CFAP251: variants seen among roughly 807,000 people sequenced by gnomAD.
CFAP251 encodes the protein cilia and flagella associated protein 251.
In CFAP251, 93 loss-of-function variants were observed where a neutral mutation model predicts 126.7. That is an observed-to-expected ratio of 0.73 (90% confidence interval 0.62 to 0.87). The LOEUF is 0.87. Among genes scored for constraint, CFAP251 ranks in the 40% least tolerant of loss-of-function variants. The pLI is 0.00. For missense variants in CFAP251, 1,287 were observed against 1,389.2 expected (o/e 0.93, Z 1.17); for synonymous variants, 503 against 506.9 (o/e 0.99, Z 0.10).
chr12:121,944,075 A>G (rs180719621), intron 7 of CFAP251, among the ~76,000 whole-genome samples: 3 of 152,288 alleles, frequency 2.0e-5, no homozygotes, highest in Admixed American at 1.3e-4. Context: ...GAAAGTTTCT[A>G]TCAGGTCTCC....
At chr12:121,964,817 T>C (rs11043275) in intron 15 of CFAP251, among the ~76,000 whole-genome samples, 58,803 of 152,042 alleles carry the variant, frequency 0.39, 13,187 homozygotes, top group Non-Finnish European at 0.52. Context: ...GGAAATCTCA[T>C]GAACCCGGGA....
At chr12:121,968,663 C>T (rs1592994038) in intron 17 of CFAP251, among the ~76,000 whole-genome samples, 1 of 152,214 alleles carries the variant, frequency 6.6e-6, no homozygotes, top group East Asian at 1.9e-4. Flanking sequence ...AATATGGGCC[C>T]ACCCTCTACT....
intron 4 of CFAP251, chr12:121,933,299 A>T (rs1411965046): frequency 6.6e-6 from 1 of 152,404 alleles, no homozygotes; most frequent in Non-Finnish European, 1.5e-5. Context: ...TGAGCCAGCC[A>T]AAGACAGTCT....
chr12:121,977,740 G>A (rs977233019), intron 19 of CFAP251, among the ~76,000 whole-genome samples: 6 of 151,422 alleles, frequency 4.0e-5, no homozygotes, highest in Non-Finnish European at 8.8e-5. Context: ...CGGATCACGA[G>A]GTCAGAAGAT....
chr12:121,962,211 GC>G (rs1042447644), intron 15 of CFAP251, 49 bp downstream of exon 15: 1 of 1,569,812 alleles, frequency 6.4e-7, no homozygotes. Flanking sequence ...CAAGTTCTCT[GC>G]CCCCAACCTG....
intron 19 of CFAP251, among the ~76,000 whole-genome samples, chr12:121,983,573 A>G (rs1882677851): frequency 6.6e-6 from 1 of 152,160 alleles, no homozygotes; most frequent in Non-Finnish European, 1.5e-5. Flanking sequence ...AAACATTGAC[A>G]ATTACTTAAA....
Position 121,989,895 on chromosome 12 carries a change from A to G in CFAP251, c.3007-9821A>G, listed in dbSNP as rs1375767937. On this transcript the variant is annotated intron_variant, in intron 19 of 21. Transcript: ENST00000288912. This position sits in a 1 kb window ranked among gnomAD's most constrained non-coding sequence, Gnocchi z 4.2. ...TTAATTATAGAACATAATTCTAAGG[A>G]CATCAATGGCTTCCTGAGGCTGACA... 2.6e-5 allele frequency among the ~76,000 whole-genome samples: 4 copies of G among 152,290 alleles called. No individual in the cohort carries two copies. The East Asian group carries it at 7.7e-4, about 29-fold the overall frequency.
At chr12:121,971,488 T>C (rs1882326418) in intron 17 of CFAP251, 2 of 700,746 alleles carry the variant, frequency 2.9e-6, no homozygotes, top group Non-Finnish European at 2.6e-6. Flanking sequence ...CAACCACTTG[T>C]GCTGAGTTTT....
chr12:121,999,820 C>T lies in CFAP251; in HGVS notation c.3111C>T (p.His1037=). 1 of 1,614,174 alleles carries T rather than the reference C, an allele frequency of 6.2e-7. No individual in the cohort carries two copies. Among genetic ancestry groups the T allele is most frequent in the Non-Finnish European group, 8.5e-7 (1 of 1,180,014 alleles). ...ATTTCCTAAAAGTGTACCTTAACCA[C>T]AAGCCACCTTTTGGTAACACCATGA... ...LPDFLKVYLN[H]KPPFGNTMSG... The change falls in exon 20 of 22, where the codon CAC becomes CAT. Residue 1037 remains histidine (H), a synonymous_variant. Coordinates refer to ENST00000288912, the MANE Select transcript of CFAP251 (RefSeq NM_144668.6).
Position 121,999,719 on chromosome 12 carries a change from G to T in CFAP251, c.3010G>T (p.Asp1004Tyr). Reference protein sequence around the residue: ...IGFYPSEEKIDDIFNEIKFGE... With the variant: ...IGFYPSEEKIYDIFNEIKFGE... ...TTTTTCCCCATCTTTCCCCTAGATT[G>T]ATGATATATTTAACGAAATCAAATT... Residue 1004 changes from aspartate to tyrosine, a missense_variant, in exon 20 of 22, where the codon GAT becomes TAT. Physicochemically the swap from Asp to Tyr is radical, Grantham distance 160. Coordinates refer to ENST00000288912, the MANE Select transcript of CFAP251 (RefSeq NM_144668.6). The T allele has an allele frequency of 6.2e-7, 1 of 1,600,506 alleles. No individual in the cohort carries two copies.
intron 9 of CFAP251, chr12:121,953,836 G>A (rs955346120): frequency 3.0e-5 from 9 of 297,628 alleles, no homozygotes; most frequent in Middle Eastern, 1.0e-3. Context: ...CTCCATAAGA[G>A]AAGTTTAACA....
In CFAP251 at chr12:121,966,995, C is replaced by T; in HGVS notation, c.2533C>T (p.Gln845Ter). Residue 845 changes from glutamine to a stop codon, truncating the protein, a stop_gained, in exon 16 of 22, where the codon CAG (glutamine) becomes TAG (stop). Coordinates refer to ENST00000288912, the MANE Select transcript of CFAP251 (RefSeq NM_144668.6). LOFTEE classifies it high-confidence loss of function. ...GCCAGCTTATGGTTCCCCTATTGAGCAGACACAAGTCCTCCCAGTGAGAAG... is the reference window on the plus strand; with the variant it reads ...GCCAGCTTATGGTTCCCCTATTGAGTAGACACAAGTCCTCCCAGTGAGAAG... ...LGPAYGSPIEQTQVLPVRSMA... is the reference protein window; with the variant it reads ...LGPAYGSPIE The T allele has an allele frequency of 6.2e-7, 1 of 1,614,230 alleles. No individual in the cohort carries two copies. Among genetic ancestry groups the T allele is most frequent in the South Asian group, 1.1e-5 (1 of 91,084 alleles).
intron 19 of CFAP251, among the ~76,000 whole-genome samples, chr12:121,986,061 G>A (rs113894533): frequency 0.053 from 8,024 of 152,118 alleles, 250 homozygotes; most frequent in Middle Eastern, 0.071. Flanking sequence ...GCGTGATCTC[G>A]GCTCACTGCA....
intron 19 of CFAP251, chr12:121,998,153 G>T: frequency 6.6e-6 from 1 of 152,078 alleles, no homozygotes; most frequent in Non-Finnish European, 1.5e-5. Context: ...GTGGGCTCAA[G>T]CAGTCCTCCC....
intron 3 of CFAP251, among the ~76,000 whole-genome samples, chr12:121,924,714 G>A (rs376680117): frequency 1.2e-3 from 188 of 152,182 alleles, no homozygotes; most frequent in African/African-American, 4.3e-3. Context: ...ACAGGCGTGA[G>A]CCACCACGCC....
intron 19 of CFAP251, among the ~76,000 whole-genome samples, chr12:121,983,760 C>T (rs1882683343): frequency 6.6e-6 from 1 of 151,996 alleles, no homozygotes; most frequent in African/African-American, 2.4e-5. Flanking sequence ...AAAACGTTTC[C>T]TCTTTGGAGA....
At chr12:121,980,573 C>T (rs1882596390) in intron 19 of CFAP251, among the ~76,000 whole-genome samples, 2 of 152,036 alleles carry the variant, frequency 1.3e-5, no homozygotes, top group Admixed American at 1.3e-4. Flanking sequence ...GTCTCAAACT[C>T]CTGAGCTCGA....
chr12:121,992,884 C>T (rs1198521978), intron 19 of CFAP251, among the ~76,000 whole-genome samples: 1 of 152,136 alleles, frequency 6.6e-6, no homozygotes, highest in African/African-American at 2.4e-5. Flanking sequence ...TATAATTTAT[C>T]TTATGTTATG....
chr12:121,983,396 CA>C (rs10713983), intron 19 of CFAP251, among the ~76,000 whole-genome samples: 8,131 of 69,872 alleles, frequency 0.12, 211 homozygotes, highest in East Asian at 0.19. Flanking sequence ...CATAGCTCTC[CA>C]AAAAAAAAAA....
Sources: allele counts gnomAD v4.1 joint callset (sites outside exome capture counted in the v4.1 genomes callset), GRCh38; gene constraint gnomAD v4.1.1; non-coding constraint Gnocchi (gnomAD v3.1); transcripts MANE v1.5; gene names NCBI Gene and HGNC (gene_info 2026-07-23, HGNC 2026-07-21).